IPO11: variants seen among roughly 807,000 people sequenced by gnomAD.
IPO11 encodes importin-11.
A neutral mutation model predicts 143.2 loss-of-function variants in IPO11; 66 were observed. The observed-to-expected ratio is 0.46, with a 90% CI of 0.38 to 0.57. The LOEUF (loss-of-function observed/expected upper bound fraction) is 0.57, where lower values mean the gene tolerates loss of function less well. Among genes scored for constraint, IPO11 ranks in the 20% least tolerant of loss-of-function variants. The pLI, the probability that IPO11 is intolerant of heterozygous loss-of-function variation, is 0.00. For missense variants in IPO11, 1,026 were observed against 1,141.0 expected, an observed-to-expected ratio of 0.90 and a Z score of 1.45; for synonymous variants, 385 against 377.8, an observed-to-expected ratio of 1.02 and a Z score of -0.22.
In IPO11 at chr5:62,474,407, C is replaced by A; in HGVS notation, c.709-9C>A. On this transcript the variant is annotated splice_polypyrimidine_tract_variant and intron_variant, in intron 7 of 29. Transcript: ENST00000325324. The stretch of plus-strand genomic sequence containing the variant: ...AAATTGAGATATTTAAAATAATATT[C>A]TTTTCTAGGGTTTTTTACATGGAAT... 1 of 1,490,412 alleles carries A rather than the reference C, an allele frequency of 6.7e-7. No individual in the cohort carries two copies. Among genetic ancestry groups the A allele is most frequent in the Non-Finnish European group, 9.1e-7 (1 of 1,097,128 alleles). 92.3% of individuals were successfully genotyped at this position (1,490,412 alleles called of 1,614,324 possible).
intron 8 of IPO11, among the ~76,000 whole-genome samples, chr5:62,475,660 C>A (rs1561325978): frequency 1.3e-5 from 2 of 152,298 alleles, no homozygotes; most frequent in African/African-American, 2.4e-5. Context: ...CTTGTAGACT[C>A]TTTTCGCTTT....
intron 5 of IPO11, among the ~76,000 whole-genome samples, chr5:62,459,387 C>T (rs1219875584): frequency 7.0e-6 from 1 of 142,682 alleles, no homozygotes; most frequent in African/African-American, 2.7e-5. Flanking sequence ...GACTCTGTCT[C>T]AAAAATAAAT....
chr5:62,569,138 C>T (rs939351467), intron 27 of IPO11, among the ~76,000 whole-genome samples: 5 of 143,762 alleles, frequency 3.5e-5, no homozygotes, highest in African/African-American at 7.5e-5. Context: ...TTGTGGGTGG[C>T]GGGGAGGGGA....
intron 22 of IPO11, among the ~76,000 whole-genome samples, chr5:62,532,165 A>G (rs1742569033): frequency 6.6e-6 from 1 of 152,150 alleles, no homozygotes; most frequent in African/African-American, 2.4e-5. Flanking sequence ...TCCACCTCAA[A>G]TTCAGCATGC....
At chr5:62,532,946 ATT>A (rs1561351655) in intron 22 of IPO11, among the ~76,000 whole-genome samples, 2 of 152,184 alleles carry the variant, frequency 1.3e-5, no homozygotes, top group Non-Finnish European at 2.9e-5. Context: ...ATTTTTAAAG[ATT>A]TAAAAAGTTC....
intron 29 of IPO11, among the ~76,000 whole-genome samples, chr5:62,618,812 G>T (rs1344922360): frequency 6.6e-6 from 1 of 152,098 alleles, no homozygotes; most frequent in Non-Finnish European, 1.5e-5. Context: ...TCGGGAGGCT[G>T]TTTTAAATTG....
intron 5 of IPO11, among the ~76,000 whole-genome samples, chr5:62,456,750 T>C (rs1418923213): frequency 6.6e-6 from 1 of 152,236 alleles, no homozygotes; most frequent in Non-Finnish European, 1.5e-5. Flanking sequence ...TAGTAGTCTC[T>C]TGACAGTTCA....
At chr5:62,442,622 G>A (rs753843734) in intron 2 of IPO11, among the ~76,000 whole-genome samples, 6 of 152,118 alleles carry the variant, frequency 3.9e-5, no homozygotes, top group Non-Finnish European at 7.3e-5. Context: ...ACTTTGGGAG[G>A]CCAAGGCGAA....
At chr5:62,577,688 A>G (rs1580343784) in intron 27 of IPO11, among the ~76,000 whole-genome samples, 1 of 152,166 alleles carries the variant, frequency 6.6e-6, no homozygotes, top group South Asian at 2.1e-4. Context: ...AGTCATTTTG[A>G]TAACGATCTG....
At chr5:62,423,664 C>T (rs1020283639) in intron 1 of IPO11, among the ~76,000 whole-genome samples, 4 of 152,150 alleles carry the variant, frequency 2.6e-5, no homozygotes, top group Non-Finnish European at 4.4e-5. Flanking sequence ...AACTTCATTT[C>T]GTCTTACCTC....
intron 19 of IPO11, among the ~76,000 whole-genome samples, chr5:62,510,463 G>A (rs749352005): frequency 6.6e-6 from 1 of 152,122 alleles, no homozygotes; most frequent in Non-Finnish European, 1.5e-5. Context: ...CAGACATCAT[G>A]ATACTCTCCA....
At chr5:62,526,494 A>G in intron 21 of IPO11, 1 of 324,802 alleles carries the variant, frequency 3.1e-6, no homozygotes, top group East Asian at 6.2e-5. Flanking sequence ...CATCTTTTGG[A>G]ATTTGTCATG....
chr5:62,501,578 A>T (rs1741349976), intron 16 of IPO11, among the ~76,000 whole-genome samples: 1 of 152,120 alleles, frequency 6.6e-6, no homozygotes, highest in Admixed American at 6.5e-5. Context: ...TTGATTCAGG[A>T]GGAGATGAAT....
At chr5:62,435,050 GTATATATATA>G (rs1183563536) in intron 1 of IPO11, among the ~76,000 whole-genome samples, 16 of 101,206 alleles carry the variant, frequency 1.6e-4, no homozygotes, top group African/African-American at 6.0e-4. Context: ...ATGTATATGT[GTATATATATA>G]TGTATATATA....
Position 62,506,247 on chromosome 5 carries a change from G to T in IPO11, c.1672G>T (p.Glu558Ter). 1 of 1,589,448 alleles carries T rather than the reference G, an allele frequency of 6.3e-7. No homozygotes were observed. Among genetic ancestry groups the T allele is most frequent in the Non-Finnish European group, 8.6e-7 (1 of 1,163,490 alleles). Residue 558 changes from glutamate (E) to a stop codon, truncating the protein, a stop_gained, in exon 19 of 30, where the codon GAA (glutamate) becomes TAA (stop). Coordinates refer to ENST00000325324, the MANE Select transcript of IPO11 (RefSeq NM_016338.5). LOFTEE classifies it high-confidence loss of function. ...TCTTTCTTTTTACCTGCAGTATTTG[G>T]AAACCATGTTCACACTACTTTTTCA... ...FRTDQFLPYL[E>*]TMFTLLFQLL...
chr5:62,435,174 ATATATG>A lies in IPO11; in HGVS notation c.-6-2094_-6-2089del, dbSNP rs1220919073. On this transcript the variant is annotated intron_variant, in intron 1 of 29. Transcript: ENST00000325324. ...TATGTATATATATGTATATATATGT[ATATATG>A]TATATATATGTATATATATGTATAT... Among the ~76,000 whole-genome samples, 16 of 76,412 alleles carry A rather than the reference ATATATG, an allele frequency of 2.1e-4. 1 individual carries two copies. The highest frequency in any genetic ancestry group is 7.7e-4 in the African/African-American group (15 of 19,420). The allele number at this position is 76,412 out of a possible 152,430, so 50.1% of individuals were successfully genotyped here.
chr5:62,597,796 A>G (rs113340506), intron 28 of IPO11, among the ~76,000 whole-genome samples: 3 of 152,306 alleles, frequency 2.0e-5, no homozygotes, highest in African/African-American at 4.8e-5. Context: ...TAATATTTAT[A>G]TAAGTGACTA....
intron 19 of IPO11, among the ~76,000 whole-genome samples, chr5:62,510,747 G>GT (rs948678955): frequency 1.3e-5 from 2 of 151,536 alleles, no homozygotes; most frequent in Non-Finnish European, 2.9e-5. Flanking sequence ...TTTTGTTTTT[G>GT]TTTTTTGAGA....
At chr5:62,624,707 G>A (rs1746497339) in intron 29 of IPO11, among the ~76,000 whole-genome samples, 1 of 151,970 alleles carries the variant, frequency 6.6e-6, no homozygotes, top group Non-Finnish European at 1.5e-5. Flanking sequence ...GTTGCAGGCC[G>A]GGCACGGTGG....
Sources: allele counts gnomAD v4.1 joint callset (sites outside exome capture counted in the v4.1 genomes callset), GRCh38; gene constraint gnomAD v4.1.1; transcripts MANE v1.5; gene names NCBI Gene and HGNC (gene_info 2026-07-23, HGNC 2026-07-21).